Variants in MEF2C observed in about 807,000 individuals in gnomAD.
The protein encoded by MEF2C is myocyte-specific enhancer factor 2C.
In MEF2C, 6 loss-of-function variants were observed where a neutral mutation model predicts 50.5. The observed-to-expected ratio is 0.12, with a 90% CI of 0.07 to 0.23. MEF2C has a LOEUF of 0.23. Ranked by LOEUF, MEF2C falls within the 10% of genes least tolerant of loss-of-function variation. MEF2C has a pLI of 1.00. For missense variants in MEF2C, 276 were observed against 605.0 expected (o/e 0.46, Z 5.70); for synonymous variants, 183 against 228.0 (o/e 0.80, Z 1.78).
At chr5:88,823,272 G>A (rs1809309415) in intron 2 of MEF2C, among the ~76,000 whole-genome samples, 1 of 151,890 alleles carries the variant, frequency 6.6e-6, no homozygotes, top group African/African-American at 2.4e-5. Flanking sequence ...TAAAATGTTT[G>A]GATGTGTTTC....
chr5:88,848,281 CA>C (rs1820040826), intron 1 of MEF2C, among the ~76,000 whole-genome samples: 1 of 152,042 alleles, frequency 6.6e-6, no homozygotes, highest in East Asian at 1.9e-4. Flanking sequence ...TTATAGTGGC[CA>C]AAACCATTTT....
chr5:88,857,684 G>A (rs1823962073), intron 1 of MEF2C, among the ~76,000 whole-genome samples: 1 of 152,152 alleles, frequency 6.6e-6, no homozygotes, highest in South Asian at 2.1e-4. Context: ...GTTTTTATAA[G>A]GGGCTTACTC....
intron 3 of MEF2C, among the ~76,000 whole-genome samples, chr5:88,799,633 TTA>T (rs1167488101): frequency 1.3e-5 from 2 of 152,168 alleles, no homozygotes; most frequent in African/African-American, 4.8e-5. Context: ...GCTATACAAG[TTA>T]TAAACTATTT....
chr5:88,844,626 TA>T, intron 1 of MEF2C: 1 of 796,268 alleles, frequency 1.3e-6, no homozygotes, highest in Non-Finnish European at 1.5e-6. Flanking sequence ...CCAAAAATAC[TA>T]AGTAAATCTA....
intron 3 of MEF2C, chr5:88,771,552 C>T (rs1782433144): frequency 1.0e-6 from 1 of 985,194 alleles, no homozygotes; most frequent in Admixed American, 6.2e-5. Context: ...TCTGCTTCAC[C>T]ACCAGGTAGT....
intron 1 of MEF2C, among the ~76,000 whole-genome samples, chr5:88,856,133 G>C (rs1224872629): frequency 6.6e-6 from 1 of 152,162 alleles, no homozygotes; most frequent in Non-Finnish European, 1.5e-5. Flanking sequence ...CTGGTGTAAA[G>C]GTAACTCCTG....
intron 2 of MEF2C, chr5:88,817,878 G>C (rs1806216184): frequency 6.6e-6 from 1 of 151,848 alleles, no homozygotes; most frequent in South Asian, 2.1e-4. Context: ...TTTAGGCTAA[G>C]CATGCCTAAT....
intron 7 of MEF2C, among the ~76,000 whole-genome samples, 191 bp from the exon 8 acceptor site, chr5:88,730,425 T>C (rs962040097): frequency 3.9e-5 from 6 of 152,164 alleles, no homozygotes; most frequent in African/African-American, 1.4e-4. Flanking sequence ...TTGTCTCAAA[T>C]GTGAAGACAA....
At chr5:88,802,589 CAT>C (rs762234703) in intron 3 of MEF2C, among the ~76,000 whole-genome samples, 12 of 152,132 alleles carry the variant, frequency 7.9e-5, no homozygotes, top group African/African-American at 2.4e-4. Flanking sequence ...TGGGACCACA[CAT>C]GTGTGCCACC....
chr5:88,829,498 A>G (rs554240832), intron 1 of MEF2C, among the ~76,000 whole-genome samples: 15 of 152,184 alleles, frequency 9.9e-5, no homozygotes, highest in Admixed American at 5.2e-4. Context: ...TCAAACATAT[A>G]GAAAGAGCTA....
chr5:88,727,234 A>G (rs371387213), intron 10 of MEF2C, among the ~76,000 whole-genome samples: 2 of 152,194 alleles, frequency 1.3e-5, no homozygotes, highest in East Asian at 3.8e-4. Flanking sequence ...TGCGCTGATC[A>G]ATATGTAATG....
At chr5:88,813,835 C>T (rs1452270839) in intron 2 of MEF2C, among the ~76,000 whole-genome samples, 1 of 151,986 alleles carries the variant, frequency 6.6e-6, no homozygotes. Context: ...GATTCGTATA[C>T]CCAGCTAATT....
intron 1 of MEF2C, among the ~76,000 whole-genome samples, chr5:88,899,906 A>AT: frequency 6.6e-6 from 1 of 152,230 alleles, no homozygotes; most frequent in Middle Eastern, 3.4e-3. Context: ...AAAAATGTTG[A>AT]TTATTTTAGA....
chr5:88,843,497 A>G (rs2153346067), intron 1 of MEF2C: 1 of 984,212 alleles, frequency 1.0e-6, no homozygotes, highest in East Asian at 1.1e-4. Context: ...ATTACATTTA[A>G]ACTACATTTT....
At position 88,892,543 on chromosome 5, in the gene MEF2C, G is replaced by A. The variant is rs537868641; in HGVS notation, c.-239-4945C>T. Among the ~76,000 whole-genome samples, 10 of 152,264 alleles carry A rather than the reference G, an allele frequency of 6.6e-5. No individual in the cohort carries two copies. The East Asian group carries it at 1.2e-3, about 18-fold the overall frequency. On this transcript the variant is annotated intron_variant, in intron 1 of 11. Transcript: ENST00000340208. ...CACAGCAGAAAGAAGTAGGTCATCC[G>A]AGAGGTGGGAATTGGTTCAGGATGA...
chr5:88,849,989 G>C (rs2153379043), intron 1 of MEF2C, among the ~76,000 whole-genome samples: 1 of 152,204 alleles, frequency 6.6e-6, no homozygotes, highest in African/African-American at 2.4e-5. Context: ...ACAACTTGCA[G>C]GTTAGTTACA....
chr5:88,790,225 G>C (rs936175875), intron 3 of MEF2C, among the ~76,000 whole-genome samples: 1 of 152,168 alleles, frequency 6.6e-6, no homozygotes, highest in African/African-American at 2.4e-5. Context: ...TCAGTTGTAA[G>C]AACCTGTTTT....
intron 1 of MEF2C, among the ~76,000 whole-genome samples, chr5:88,833,658 GCTT>G (rs1813903247): frequency 6.6e-6 from 1 of 152,066 alleles, no homozygotes; most frequent in Non-Finnish European, 1.5e-5. Context: ...TTAGAAAAAG[GCTT>G]CATAAAGATA....
intron 1 of MEF2C, among the ~76,000 whole-genome samples, chr5:88,878,229 G>A (rs1246579897): frequency 6.6e-6 from 1 of 151,954 alleles, no homozygotes; most frequent in Non-Finnish European, 1.5e-5. Context: ...GAATGTTTGT[G>A]TTAGTAGAAG....
Sources: gnomAD v4.1 joint callset for allele counts (sites outside exome capture counted in the v4.1 genomes callset) on GRCh38, gnomAD v4.1.1 for gene constraint, MANE v1.5 for transcripts, NCBI Gene and HGNC (gene_info 2026-07-23, HGNC 2026-07-21) for gene names.